Variants in PKD1L1 observed in about 807,000 individuals in gnomAD.
PKD1L1 encodes polycystin 1 like 1, transient receptor potential channel interacting.
PKD1L1 carries 236 observed loss-of-function variants against 323.4 expected under a neutral mutation model. That is an observed-to-expected ratio of 0.73 (90% CI 0.66 to 0.81). The LOEUF (loss-of-function observed/expected upper bound fraction) is 0.81. Among genes scored for constraint, PKD1L1 ranks in the 40% least tolerant of loss-of-function variants. PKD1L1 has a pLI of 0.00. For synonymous variants in PKD1L1, 1,344 were observed against 1,335.0 expected, an observed-to-expected ratio of 1.01 and a Z score of -0.15; for missense variants, 3,320 against 3,508.0, an observed-to-expected ratio of 0.95 and a Z score of 1.35.
intron 52 of PKD1L1, among the ~76,000 whole-genome samples, chr7:47,804,689 T>G (rs1784740525): frequency 6.6e-6 from 1 of 152,172 alleles, no homozygotes; most frequent in Admixed American, 6.5e-5. Flanking sequence ...TTCACCATGT[T>G]GCTCAGGCTG....
In PKD1L1 at chr7:47,803,222, G is replaced by T. The variant is rs561100449; in HGVS notation, c.7950C>A (p.Ile2650=). ...SSMMRHSLPS[I]FVAGLVGALM... ...GGAGAGTTCTTACCCCTGCTACAAA[G>T]ATGCTGGGGAGTGAGTGGCGCATCA... Residue 2650 remains isoleucine (I), a synonymous_variant, in exon 53 of 57, where the codon ATC becomes ATA. Coordinates refer to ENST00000289672, the MANE Select transcript of PKD1L1 (RefSeq NM_138295.5). 2.7e-5 allele frequency: 43 copies of T among 1,614,160 alleles called. No individual in the cohort carries two copies. In the South Asian group the frequency reaches 4.6e-4, roughly 17 times the overall value.
Position 47,873,968 on chromosome 7 carries a change from AC to A in PKD1L1, c.3826del (p.Val1276SerfsTer8). 1 of 1,613,884 alleles carries A rather than the reference AC, an allele frequency of 6.2e-7. No individual in the cohort carries two copies. Among genetic ancestry groups the A allele is most frequent in the Non-Finnish European group, 8.5e-7 (1 of 1,179,910 alleles). ...TEITDGKGSK[V>X]QPCTVVVTVL... Reference sequence around the variant, plus strand: ...AGTCACCACCACAGTGCACGGCTGGACCTTGGAGCCTTTGCCATCTGTGATT... The same window carrying A: ...AGTCACCACCACAGTGCACGGCTGGACTTGGAGCCTTTGCCATCTGTGATT... On this transcript the variant is annotated frameshift_variant, in exon 24 of 57. Transcript: ENST00000289672. LOFTEE classifies it high-confidence loss of function.
At chr7:47,785,811 G>C (rs569632450) in intron 56 of PKD1L1, among the ~76,000 whole-genome samples, 1 of 150,190 alleles carries the variant, frequency 6.7e-6, no homozygotes, top group Non-Finnish European at 1.5e-5. Flanking sequence ...GTGCAATCTC[G>C]GCTCACTGCA....
At chr7:47,782,129 CT>C (rs1258616608) in intron 56 of PKD1L1, among the ~76,000 whole-genome samples, 3 of 152,168 alleles carry the variant, frequency 2.0e-5, no homozygotes, top group African/African-American at 4.8e-5. Context: ...AGTTCCTCCC[CT>C]CTCCACTCTG....
Position 47,831,467 on chromosome 7 carries a change from G to A in PKD1L1, c.6338-115C>T, listed in dbSNP as rs1199720382. ...CTAGGCTGGGTCGTAGGGTGCCCAG[G>A]CATTTGGTTAAATGTGATTTTTGAG... On this transcript the variant is annotated intron_variant, in intron 41 of 56. Transcript: ENST00000289672. 2.2e-6 allele frequency: 3 copies of A among 1,354,138 alleles called. No individual in the cohort carries two copies. The African/African-American group carries it at 4.4e-5, about 20-fold the overall frequency. The allele number at this position is 1,354,138 out of a possible 1,614,324, so 83.9% of individuals were successfully genotyped here. A position where few individuals can be genotyped will look rare whatever the true frequency, so the allele number is the denominator to read the frequency against.
chr7:47,924,413 T>C (rs950861946), intron 7 of PKD1L1, among the ~76,000 whole-genome samples: 6 of 152,128 alleles, frequency 3.9e-5, no homozygotes, highest in African/African-American at 1.2e-4. Context: ...ATCCAAAAAA[T>C]ATCTCAAAAT....
rs34061319 is a variant in PKD1L1 at position 47,896,329 on chromosome 7, C to CAAA, written c.2271+1656_2271+1658dup. Among the ~76,000 whole-genome samples the CAAA allele has an allele frequency of 4.4e-3, 205 of 46,750 alleles. 8 individuals are homozygous for CAAA. Among genetic ancestry groups the CAAA allele is most frequent in the African/African-American group, 0.014 (173 of 12,644 alleles). 30.7% of individuals were successfully genotyped at this position (46,750 alleles called of 152,430 possible). A position where few individuals can be genotyped will look rare whatever the true frequency, so the allele number is the denominator to read the frequency against. On this transcript the variant is annotated intron_variant, in intron 14 of 56. Transcript: ENST00000289672. The stretch of plus-strand genomic sequence containing the variant: ...TGGGCAACAGAGTGAGACCCTGTCT[C>CAAA]AAAAAAAAAAAAAAAAAAAAAAAAA...
At chr7:47,863,707 G>C (rs961242434) in intron 26 of PKD1L1, among the ~76,000 whole-genome samples, 3 of 152,110 alleles carry the variant, frequency 2.0e-5, no homozygotes. Flanking sequence ...GATGGAGATG[G>C]AAGCCAAAGT....
In PKD1L1 at chr7:47,847,057, A is replaced by G. The variant is rs1785681976; in HGVS notation, c.4975T>C (p.Tyr1659His). The change falls in exon 32 of 57, where the codon TAT becomes CAT. Residue 1659 changes from tyrosine to histidine, a missense_variant. Physicochemically the swap from Tyr to His is moderately conservative, Grantham distance 83 (BLOSUM62 2). Coordinates refer to ENST00000289672, the MANE Select transcript of PKD1L1 (RefSeq NM_138295.5). ...AASQKDASVG[Y>H]LSLLDADYDR... Reference sequence around the variant, plus strand: ...TAGTCAGCATCCAATAAGGATAAATAGCCTACACTGGCATCTAAAAAGAGA... The same window carrying G: ...TAGTCAGCATCCAATAAGGATAAATGGCCTACACTGGCATCTAAAAAGAGA... 1 of 1,584,968 alleles carries G rather than the reference A, an allele frequency of 6.3e-7. No individual in the cohort carries two copies. Among genetic ancestry groups the G allele is most frequent in the African/African-American group, 1.4e-5 (1 of 73,250 alleles).
Position 47,856,162 on chromosome 7 carries a change from C to T in PKD1L1, c.4591-897G>A, listed in dbSNP as rs373467860. Among the ~76,000 whole-genome samples the T allele has an allele frequency of 3.1e-4, 47 of 152,072 alleles. 1 individual carries two copies. The highest frequency in any genetic ancestry group is 7.2e-4 in the African/African-American group (30 of 41,534). Reference sequence around the variant, plus strand: ...AAGCGATTCTCCTGCCTCAGCCTCCCGAGTAGCTGGGACTACAGGCACGTG... The same window carrying T: ...AAGCGATTCTCCTGCCTCAGCCTCCTGAGTAGCTGGGACTACAGGCACGTG... On this transcript the variant is annotated intron_variant, in intron 28 of 56. Coordinates refer to ENST00000289672, the MANE Select transcript of PKD1L1 (RefSeq NM_138295.5).
intron 21 of PKD1L1, 61 bp downstream of exon 21, chr7:47,880,667 C>G (rs370006559): frequency 2.2e-6 from 3 of 1,360,164 alleles, no homozygotes. Context: ...GAAGAGTAAA[C>G]TCACAGAGAC....
At chr7:47,957,997 TTA>T in the PKD1L1 span, among the ~76,000 whole-genome samples, 1 of 151,858 alleles carries the variant, frequency 6.6e-6, no homozygotes, top group Non-Finnish European at 1.5e-5. Context: ...ATTGAAAGAA[TTA>T]TTTCTTAAAT....
upstream of PKD1L1, among the ~76,000 whole-genome samples, chr7:47,952,384 A>T (rs1458399048): frequency 6.6e-6 from 1 of 152,148 alleles, no homozygotes; most frequent in Non-Finnish European, 1.5e-5. Context: ...GGCTTTGGGG[A>T]AGTGAGCACA....
intron 8 of PKD1L1, among the ~76,000 whole-genome samples, chr7:47,914,295 G>C (rs958325263): frequency 6.8e-6 from 1 of 147,808 alleles, no homozygotes. Flanking sequence ...ACAAACATCT[G>C]TCATTTCAAT....
At chr7:47,955,685 C>A in the PKD1L1 span, among the ~76,000 whole-genome samples, 2 of 152,140 alleles carry the variant, frequency 1.3e-5, no homozygotes, top group Non-Finnish European at 2.9e-5. Context: ...TATAACAGTT[C>A]TATAATCTTT....
At position 47,905,928 on chromosome 7, in the gene PKD1L1, A is replaced by C. The variant is rs1787194127; in HGVS notation, c.1437T>G (p.Pro479=). 2 of 1,612,886 alleles carry C rather than the reference A, an allele frequency of 1.2e-6. No homozygotes were observed. The highest frequency in any genetic ancestry group is 3.3e-4 in the Middle Eastern group (2 of 6,058). Residue 479 remains proline (P), a synonymous_variant, in exon 10 of 57, where the codon CCT becomes CCG. Coordinates refer to ENST00000289672, the MANE Select transcript of PKD1L1 (RefSeq NM_138295.5). ...GAGAAATAAAGGACACGTTATATGA[A>C]GGAATAGATGGAAAGTGATGTATAA... ...TVVIHHFPSI[P]SYNVSFISQT...
In PKD1L1 at chr7:47,920,269, C is replaced by T. The variant is rs1276564935; in HGVS notation, c.1061-4670G>A. On this transcript the variant is annotated intron_variant, in intron 7 of 56. Transcript: ENST00000289672. ...AACTCAACCCCTTTTAAAACAGCTG[C>T]AAAAAAAACCAAAACAAACAAACAA... 2.8e-5 allele frequency among the ~76,000 whole-genome samples: 3 copies of T among 108,756 alleles called. No individual in the cohort carries two copies. In the Admixed American group the frequency reaches 2.8e-4, roughly 10 times the overall value. 71.3% of individuals were successfully genotyped at this position (108,756 alleles called of 152,430 possible). A position where few individuals can be genotyped will look rare whatever the true frequency, so the allele number is the denominator to read the frequency against.
At chr7:47,844,971 C>T (rs1166340087) in intron 33 of PKD1L1, 24 bp downstream of exon 33, 2 of 1,592,850 alleles carry the variant, frequency 1.3e-6, no homozygotes, top group African/African-American at 1.3e-5. Flanking sequence ...TCTATGAAGT[C>T]TTTATGTAGG....
At chr7:47,900,002 A>T (rs1221702519) in intron 13 of PKD1L1, among the ~76,000 whole-genome samples, 1 of 151,684 alleles carries the variant, frequency 6.6e-6, no homozygotes, top group East Asian at 1.9e-4. Flanking sequence ...GCAGCTGAGA[A>T]ATGGGATTTT....
Sources: gnomAD v4.1 joint callset for allele counts (sites outside exome capture counted in the v4.1 genomes callset) on GRCh38, gnomAD v4.1.1 for gene constraint, MANE v1.5 for transcripts, NCBI Gene and HGNC (gene_info 2026-07-23, HGNC 2026-07-21) for gene names.